The following KCNH5 variants were observed in gnomAD, a reference collection of about 807,000 sequenced individuals.
KCNH5 encodes potassium voltage-gated channel subfamily H member 5.
Under a neutral mutation model 96.1 loss-of-function variants are expected in KCNH5, and 46 were observed. That is an observed-to-expected ratio of 0.48 (90% CI 0.38 to 0.61). The LOEUF (loss-of-function observed/expected upper bound fraction) is 0.61, where lower values mean the gene tolerates loss of function less well. Among genes scored for constraint, KCNH5 ranks in the 20% least tolerant of loss-of-function variants. The pLI, the probability that KCNH5 is intolerant of heterozygous loss-of-function variation, is 0.00. For synonymous variants in KCNH5, 439 were observed against 449.8 expected (o/e 0.98, Z 0.30); for missense variants, 907 against 1,225.8 (o/e 0.74, Z 3.88).
At chr14:62,880,303 T>C (rs1386736461) in intron 7 of KCNH5, among the ~76,000 whole-genome samples, 2 of 152,204 alleles carry the variant, frequency 1.3e-5, no homozygotes, top group Admixed American at 1.3e-4. Context: ...TAAAAACACA[T>C]ACACGTGCAC....
At chr14:62,919,089 A>G (rs938848773) in intron 7 of KCNH5, among the ~76,000 whole-genome samples, 5 of 152,154 alleles carry the variant, frequency 3.3e-5, no homozygotes, top group African/African-American at 9.7e-5. Flanking sequence ...GTAGGCATAG[A>G]AATTGATTAC....
chr14:62,733,351 T>C (rs1253629738), intron 10 of KCNH5, among the ~76,000 whole-genome samples: 2 of 152,070 alleles, frequency 1.3e-5, no homozygotes, highest in African/African-American at 4.8e-5. Flanking sequence ...GAGAGATTGC[T>C]TTCTCTCTCT....
In KCNH5 at chr14:62,806,023, A is replaced by G. The variant is rs530853679; in HGVS notation, c.1570-3442T>C. On this transcript the variant is annotated intron_variant, in intron 8 of 10. Transcript: ENST00000322893. ...AGGTTGGCACAAGATACACCTCGTA[A>G]AGACCTTGCTGATAAAACAGGTTGC... Among the ~76,000 whole-genome samples, 6 of 152,228 alleles carry G rather than the reference A, an allele frequency of 3.9e-5. No individual in the cohort carries two copies. The South Asian group carries it at 1.2e-3, about 32-fold the overall frequency.
At chr14:62,727,377 A>G (rs1456149594) in intron 10 of KCNH5, among the ~76,000 whole-genome samples, 1 of 152,124 alleles carries the variant, frequency 6.6e-6, no homozygotes. Flanking sequence ...AAAAAAAAGA[A>G]AAAATTGAGT....
chr14:62,928,728 C>T (rs780230249), intron 7 of KCNH5, among the ~76,000 whole-genome samples: 5 of 152,006 alleles, frequency 3.3e-5, no homozygotes, highest in Admixed American at 6.6e-5. Context: ...TCACTCATCC[C>T]TCCTTGAAAC....
At position 62,707,341 on chromosome 14, in the gene KCNH5, T is replaced by G. The variant is rs1448105021; in HGVS notation, c.*167A>C. On this transcript the variant is annotated 3_prime_UTR_variant, in exon 11 of 11. Transcript: ENST00000322893. ...GCAATATCTATGTTTTTAATCATCA[T>G]CTTCTTTGGCAGGCCAGAATCCAGC... is the stretch of plus-strand genomic sequence containing the variant. 8.0e-6 allele frequency: 3 copies of G among 374,214 alleles called. No individual in the cohort carries two copies. Among genetic ancestry groups the G allele is most frequent in the Non-Finnish European group, 1.4e-5 (3 of 215,730 alleles). The allele number at this position is 374,214 out of a possible 1,614,324, so 23.2% of individuals were successfully genotyped here.
At chr14:62,838,987 A>G (rs1303784475) in intron 8 of KCNH5, among the ~76,000 whole-genome samples, 2 of 149,778 alleles carry the variant, frequency 1.3e-5, no homozygotes, top group Non-Finnish European at 3.0e-5. Flanking sequence ...AGCTACAAAA[A>G]TAATAAAAAC....
chr14:62,810,757 T>C (rs886071028), intron 8 of KCNH5, among the ~76,000 whole-genome samples: 5 of 152,038 alleles, frequency 3.3e-5, no homozygotes, highest in African/African-American at 1.2e-4. Context: ...ACCATAAAAA[T>C]GGGCAATCAG....
chr14:62,945,305 A>G (rs1300558375), intron 7 of KCNH5, among the ~76,000 whole-genome samples: 1 of 152,084 alleles, frequency 6.6e-6, no homozygotes, highest in Non-Finnish European at 1.5e-5. Context: ...TACACCCCCA[A>G]AGGAAGACAA....
At chr14:62,752,970 G>A (rs564635067) in intron 10 of KCNH5, among the ~76,000 whole-genome samples, 35 of 152,264 alleles carry the variant, frequency 2.3e-4, no homozygotes, top group African/African-American at 8.2e-4. Context: ...TGTGAAAACA[G>A]ACTAATACAA....
At chr14:62,759,326 G>A (rs1885695118) in intron 10 of KCNH5, among the ~76,000 whole-genome samples, 1 of 151,980 alleles carries the variant, frequency 6.6e-6, no homozygotes, top group African/African-American at 2.4e-5. Context: ...TCTAAATTAG[G>A]CATATTTTTT....
chr14:62,762,932 C>T (rs181061945), intron 10 of KCNH5, among the ~76,000 whole-genome samples: 1 of 152,028 alleles, frequency 6.6e-6, no homozygotes, highest in Admixed American at 6.5e-5. Context: ...AGATAACCAC[C>T]CTATAATAAT....
intron 1 of KCNH5, among the ~76,000 whole-genome samples, chr14:63,040,035 A>G (rs554247695): frequency 6.6e-6 from 1 of 152,244 alleles, no homozygotes; most frequent in South Asian, 2.1e-4. Flanking sequence ...TTCCTAGGCT[A>G]CACTCTGGAG....
chr14:62,736,741 T>C (rs1467649409), intron 10 of KCNH5, among the ~76,000 whole-genome samples: 1 of 152,128 alleles, frequency 6.6e-6, no homozygotes, highest in East Asian at 1.9e-4. Context: ...GAGAAAGCAC[T>C]CCTGACCAAA....
In KCNH5 at chr14:62,707,505, A is replaced by G. The variant is rs1479844972; in HGVS notation, c.*3T>C. ...TATATTAACAAATATATATGTATAT[A>G]TATTAAAAGTGGATTTCATCTTTGT... is the stretch of plus-strand genomic sequence containing the variant. On this transcript the variant is annotated 3_prime_UTR_variant, in exon 11 of 11. Coordinates refer to ENST00000322893, the MANE Select transcript of KCNH5 (RefSeq NM_139318.5). The G allele has an allele frequency of 5.8e-6, 8 of 1,377,272 alleles. No homozygotes were observed. Among genetic ancestry groups the G allele is most frequent in the Non-Finnish European group, 6.8e-6 (7 of 1,035,968 alleles). 85.3% of individuals were successfully genotyped at this position (1,377,272 alleles called of 1,614,324 possible).
At chr14:62,847,727 C>G (rs1271568774) in intron 8 of KCNH5, among the ~76,000 whole-genome samples, 3 of 152,134 alleles carry the variant, frequency 2.0e-5, no homozygotes, top group Admixed American at 2.0e-4. Context: ...TTAGTCTCCC[C>G]ATATTCGTTC....
At chr14:62,780,735 C>T (rs1466094930) in intron 9 of KCNH5, among the ~76,000 whole-genome samples, 4 of 152,196 alleles carry the variant, frequency 2.6e-5, no homozygotes, top group South Asian at 4.1e-4. Context: ...ATAAAAAGAA[C>T]GAGAAAGAGT....
chr14:62,982,132 C>T (rs1890620701), intron 5 of KCNH5, among the ~76,000 whole-genome samples: 1 of 152,044 alleles, frequency 6.6e-6, no homozygotes, highest in African/African-American at 2.4e-5. Context: ...AGATCGAGAC[C>T]ATCCTGGCCA....
chr14:62,781,846 T>G (rs1269701971), intron 9 of KCNH5, among the ~76,000 whole-genome samples: 1 of 152,024 alleles, frequency 6.6e-6, no homozygotes, highest in Non-Finnish European at 1.5e-5. Context: ...GCAATATACA[T>G]CCTCCTCAGC....
Sources: allele counts gnomAD v4.1 joint callset (sites outside exome capture counted in the v4.1 genomes callset), GRCh38; gene constraint gnomAD v4.1.1; transcripts MANE v1.5; gene names NCBI Gene and HGNC (gene_info 2026-07-23, HGNC 2026-07-21).